CYTH1: variants seen among roughly 807,000 people sequenced by gnomAD.
The protein encoded by CYTH1 is cytohesin-1.
In CYTH1, 18 loss-of-function variants were observed where a neutral mutation model predicts 61.8. The observed-to-expected ratio is 0.29, with a 90% CI of 0.20 to 0.43. The LOEUF (loss-of-function observed/expected upper bound fraction) is 0.43, where lower values mean the gene tolerates loss of function less well. Ranked by LOEUF, CYTH1 falls within the 20% of genes least tolerant of loss-of-function variation. CYTH1 has a pLI of 1.00. For missense variants in CYTH1, 336 were observed against 510.5 expected (o/e 0.66, Z 3.29); for synonymous variants, 174 against 184.3 (o/e 0.94, Z 0.45).
At chr17:78,739,303 C>A (rs1179457848) in intron 1 of CYTH1, among the ~76,000 whole-genome samples, 1 of 152,218 alleles carries the variant, frequency 6.6e-6, no homozygotes, top group Non-Finnish European at 1.5e-5. Context: ...GTGCCAGCCA[C>A]TAGTGAGACA....
intron 11 of CYTH1, among the ~76,000 whole-genome samples, chr17:78,685,203 CAAAA>C (rs58642161): frequency 1.7e-5 from 1 of 60,440 alleles, no homozygotes; most frequent in Non-Finnish European, 3.3e-5. Flanking sequence ...GACTCTGTCT[CAAAA>C]AAAAAAAAAA....
intron 1 of CYTH1, among the ~76,000 whole-genome samples, chr17:78,771,364 C>T (rs1444903063): frequency 6.6e-6 from 1 of 152,074 alleles, no homozygotes; most frequent in Non-Finnish European, 1.5e-5. Context: ...TGCCTGAACC[C>T]AGGAGGCAGA....
chr17:78,678,372 GC>G (rs1180244257), intron 13 of CYTH1: 2 of 152,314 alleles, frequency 1.3e-5, no homozygotes, highest in Non-Finnish European at 2.9e-5. Context: ...ACGCTGGGAG[GC>G]GCGGTGGAGC....
intron 1 of CYTH1, among the ~76,000 whole-genome samples, chr17:78,741,754 T>C (rs1294907882): frequency 1.3e-5 from 2 of 152,146 alleles, no homozygotes; most frequent in African/African-American, 4.8e-5. Context: ...ACTTCACTCT[T>C]CTCTCACCCT....
At chr17:78,708,076 C>A in intron 3 of CYTH1, 121 bp downstream of exon 3, 1 of 978,366 alleles carries the variant, frequency 1.0e-6, no homozygotes, top group African/African-American at 1.6e-5. Context: ...TATGTGCTTG[C>A]TAGAATTAGA....
At chr17:78,770,729 T>A (rs2093468202) in intron 1 of CYTH1, among the ~76,000 whole-genome samples, 1 of 152,176 alleles carries the variant, frequency 6.6e-6, no homozygotes, top group African/African-American at 2.4e-5. Context: ...TTTAATAGCC[T>A]TAGCCAATTC....
chr17:78,767,603 T>C (rs144659204), intron 1 of CYTH1, among the ~76,000 whole-genome samples: 72 of 151,940 alleles, frequency 4.7e-4, no homozygotes, highest in African/African-American at 1.5e-3. Flanking sequence ...AAACGGATGG[T>C]TGAATAGATG....
chr17:78,781,897 A>G (rs1311362389), intron 1 of CYTH1, among the ~76,000 whole-genome samples: 1 of 147,224 alleles, frequency 6.8e-6, no homozygotes, highest in African/African-American at 2.5e-5. Context: ...CTCATTCCTC[A>G]GAGCTCGCGG....
Position 78,720,783 on chromosome 17 carries a change from G to A in CYTH1, c.23-11051C>T, listed in dbSNP as rs896396336. On this transcript the variant is annotated intron_variant, in intron 1 of 13. Coordinates refer to ENST00000446868, the MANE Select transcript of CYTH1 (RefSeq NM_004762.6). ...CCAGCTACTTAGGAGGCTGAGGTGC[G>A]AGGACCGCGTAAGCCCTGGAATGTG... is the stretch of plus-strand genomic sequence containing the variant. 3.9e-5 allele frequency among the ~76,000 whole-genome samples: 6 copies of A among 152,200 alleles called. No homozygotes were observed. In the East Asian group the frequency reaches 1.2e-3, roughly 29 times the overall value.
rs767238401 is a variant in CYTH1 at position 78,776,813 on chromosome 17, GT to G, written c.22+5388del. 6.7e-3 allele frequency among the ~76,000 whole-genome samples: 966 copies of G among 145,148 alleles called. 3 individuals carry two copies. Among genetic ancestry groups the G allele is most frequent in the African/African-American group, 0.016 (646 of 39,802 alleles). ...GTGGGACTCCACAGTGCCATAAACAGTTTTTTTTTTTTTAAAAAAAGAAACC... is the reference window on the plus strand; with the variant it reads ...GTGGGACTCCACAGTGCCATAAACAGTTTTTTTTTTTTAAAAAAAGAAACC... On this transcript the variant is annotated intron_variant, in intron 1 of 13. Coordinates refer to ENST00000446868, the MANE Select transcript of CYTH1 (RefSeq NM_004762.6).
At chr17:78,725,668 C>T (rs7207191) in intron 1 of CYTH1, among the ~76,000 whole-genome samples, 2,142 of 152,236 alleles carry the variant, frequency 0.014, 50 homozygotes, top group African/African-American at 0.049. Context: ...TCCACTACGC[C>T]GACAGAGTGG....
chr17:78,708,285 C>T (rs1472312650), intron 2 of CYTH1, 24 bp from the exon 3 acceptor site: 1 of 1,599,806 alleles, frequency 6.3e-7, no homozygotes, highest in Non-Finnish European at 8.5e-7. Context: ...AGTCCAGAGT[C>T]AGCAGGAAAG....
intron 1 of CYTH1, among the ~76,000 whole-genome samples, chr17:78,710,590 C>G (rs1027789123): frequency 3.3e-5 from 5 of 152,314 alleles, no homozygotes; most frequent in African/African-American, 1.2e-4. Flanking sequence ...CAAATCCTAG[C>G]TCCAATCTAC....
At chr17:78,730,091 G>A (rs1179767287) in intron 1 of CYTH1, among the ~76,000 whole-genome samples, 1 of 152,102 alleles carries the variant, frequency 6.6e-6, no homozygotes, top group Non-Finnish European at 1.5e-5. Context: ...TAATGCCCAT[G>A]AAGTGCCTGT....
chr17:78,698,423 A>AT (rs755624349), intron 8 of CYTH1, 43 bp from the exon 9 acceptor site: 8 of 1,488,542 alleles, frequency 5.4e-6, no homozygotes, highest in Non-Finnish European at 7.5e-6. Flanking sequence ...TTCTAGAAAT[A>AT]TTTTTTCCTC....
chr17:78,769,562 C>T (rs2144746849), intron 1 of CYTH1, among the ~76,000 whole-genome samples: 1 of 152,280 alleles, frequency 6.6e-6, no homozygotes, highest in South Asian at 2.1e-4. Context: ...ATTTTTCATG[C>T]ACACACCTGC....
At chr17:78,757,925 C>CA (rs2093408289) in intron 1 of CYTH1, among the ~76,000 whole-genome samples, 1 of 151,096 alleles carries the variant, frequency 6.6e-6, no homozygotes, top group Admixed American at 6.6e-5. Context: ...AAAAAAAATT[C>CA]AAAAAAAAGT....
At position 78,760,443 on chromosome 17, in the gene CYTH1, GTATA is replaced by G. The variant is rs796569849; in HGVS notation, c.22+21755_22+21758del. On this transcript the variant is annotated intron_variant, in intron 1 of 13. Coordinates refer to ENST00000446868, the MANE Select transcript of CYTH1 (RefSeq NM_004762.6). ...TATATATACACATACATATATATAT[GTATA>G]TATATATACATACATATATATATGT... Among the ~76,000 whole-genome samples, 7 of 31,862 alleles carry G rather than the reference GTATA, an allele frequency of 2.2e-4. 1 individual carries two copies. The highest frequency in any genetic ancestry group is 4.1e-4 in the Non-Finnish European group (7 of 17,240). The allele number at this position is 31,862 out of a possible 152,430, so 20.9% of individuals were successfully genotyped here.
At chr17:78,728,562 T>A (rs1435561958) in intron 1 of CYTH1, among the ~76,000 whole-genome samples, 3 of 151,628 alleles carry the variant, frequency 2.0e-5, no homozygotes, top group African/African-American at 4.8e-5. Flanking sequence ...AAAAAAAAAA[T>A]TATTTACATT....
Sources: gnomAD v4.1 joint callset for allele counts (sites outside exome capture counted in the v4.1 genomes callset) on GRCh38, gnomAD v4.1.1 for gene constraint, MANE v1.5 for transcripts, NCBI Gene and HGNC (gene_info 2026-07-23, HGNC 2026-07-21) for gene names.